Variants in YAP1 observed in about 807,000 individuals in gnomAD.
The protein encoded by YAP1 is Yes1 associated transcriptional regulator.
Under a neutral mutation model 56.9 loss-of-function variants are expected in YAP1, and 5 were observed. The observed-to-expected ratio is 0.09, with a 90% CI of 0.05 to 0.18. The LOEUF is 0.18. Ranked by LOEUF, YAP1 falls within the 10% of genes least tolerant of loss-of-function variation. YAP1 has a pLI of 1.00. For missense variants in YAP1, 539 were observed against 651.8 expected (o/e 0.83, Z 1.88); for synonymous variants, 265 against 248.1 (o/e 1.07, Z -0.64).
intron 3 of YAP1, among the ~76,000 whole-genome samples, chr11:102,176,225 T>A (rs1947238661): frequency 6.6e-6 from 1 of 152,166 alleles, no homozygotes. Context: ...ACATTCCCAC[T>A]CATAAAAAAT....
intron 4 of YAP1, 137 bp downstream of exon 4, chr11:102,186,268 C>A: frequency 1.1e-6 from 1 of 949,806 alleles, no homozygotes; most frequent in Non-Finnish European, 1.5e-6. Context: ...CCAATGTTTA[C>A]CAGTAGTGTT....
intron 2 of YAP1, among the ~76,000 whole-genome samples, chr11:102,129,403 G>A (rs970127843): frequency 6.6e-6 from 1 of 151,844 alleles, no homozygotes; most frequent in African/African-American, 2.4e-5. Flanking sequence ...GGTGGATCAC[G>A]AGGTCAGGAG....
At chr11:102,214,707 A>C (rs1004658746) in intron 6 of YAP1, among the ~76,000 whole-genome samples, 3 of 152,192 alleles carry the variant, frequency 2.0e-5, no homozygotes, top group African/African-American at 7.2e-5. Flanking sequence ...TTTATATAAG[A>C]GGGAAGATTT....
intron 4 of YAP1, among the ~76,000 whole-genome samples, chr11:102,194,538 A>G (rs1565254431): frequency 6.6e-6 from 1 of 152,232 alleles, no homozygotes; most frequent in Non-Finnish European, 1.5e-5. Flanking sequence ...GCCAGGCACT[A>G]TGCTAGCCAT....
chr11:102,158,808 C>T (rs983658297), intron 2 of YAP1, among the ~76,000 whole-genome samples: 1 of 152,140 alleles, frequency 6.6e-6, no homozygotes, highest in Non-Finnish European at 1.5e-5. Flanking sequence ...GTTTTCATTA[C>T]TATAAAGCCC....
At chr11:102,168,285 C>T (rs1292168891) in intron 3 of YAP1, among the ~76,000 whole-genome samples, 2 of 152,152 alleles carry the variant, frequency 1.3e-5, no homozygotes, top group African/African-American at 2.4e-5. Flanking sequence ...ATTGCTGAAT[C>T]TTCAAGGGAC....
At chr11:102,135,234 C>G (rs1388533095) in intron 2 of YAP1, among the ~76,000 whole-genome samples, 1 of 152,150 alleles carries the variant, frequency 6.6e-6, no homozygotes, top group Non-Finnish European at 1.5e-5. Context: ...GTTTTACCAT[C>G]TACATGTGTA....
chr11:102,116,645 G>C (rs529959159), intron 2 of YAP1, among the ~76,000 whole-genome samples: 2 of 152,306 alleles, frequency 1.3e-5, no homozygotes, highest in South Asian at 4.1e-4. Flanking sequence ...GGTTGCAAGG[G>C]TAGAGAGATA....
At chr11:102,202,849 C>T (rs957168395) in intron 4 of YAP1, among the ~76,000 whole-genome samples, 1 of 152,184 alleles carries the variant, frequency 6.6e-6, no homozygotes, top group Non-Finnish European at 1.5e-5. Context: ...TGTGCCTTCT[C>T]TCCTCATGTA....
chr11:102,132,519 G>A (rs1944423169), intron 2 of YAP1, among the ~76,000 whole-genome samples: 1 of 152,192 alleles, frequency 6.6e-6, no homozygotes, highest in African/African-American at 2.4e-5. Context: ...TTGTTTCAAA[G>A]TGAGGACTAT....
chr11:102,175,933 A>G (rs944286335), intron 3 of YAP1, among the ~76,000 whole-genome samples: 1 of 152,172 alleles, frequency 6.6e-6, no homozygotes, highest in Non-Finnish European at 1.5e-5. Flanking sequence ...AACTATTTCC[A>G]TTGCGTCTGC....
Position 102,198,108 on chromosome 11 carries a change from C to G in YAP1, c.803-7785C>G, listed in dbSNP as rs1948663434. 2.6e-5 allele frequency among the ~76,000 whole-genome samples: 4 copies of G among 152,142 alleles called. 1 individual carries two copies. Among genetic ancestry groups the G allele is most frequent in the Admixed American group, 2.6e-4 (4 of 15,266 alleles). ...ATAGGTAACAACATTTAGGTAAAGC[C>G]AAAAGTACTCACAATAGTCATCAGA... On this transcript the variant is annotated intron_variant, in intron 4 of 8. Transcript: ENST00000282441.
intron 2 of YAP1, among the ~76,000 whole-genome samples, chr11:102,161,026 T>C (rs1254061501): frequency 6.6e-6 from 1 of 151,754 alleles, no homozygotes; most frequent in Non-Finnish European, 1.5e-5. Flanking sequence ...AAAATGGCTC[T>C]TGGCCAGTGT....
chr11:102,193,822 GTTTT>G (rs916158768), intron 4 of YAP1, among the ~76,000 whole-genome samples: 60 of 149,904 alleles, frequency 4.0e-4, no homozygotes, highest in African/African-American at 1.4e-3. Context: ...TTTTTTGGGG[GTTTT>G]TTTTTGTTTG....
At chr11:102,117,070 A>AGCTAACTACAAAAAG (rs2135131375) in intron 2 of YAP1, among the ~76,000 whole-genome samples, 1 of 152,342 alleles carries the variant, frequency 6.6e-6, no homozygotes, top group South Asian at 2.1e-4. Flanking sequence ...TATGGACCGT[A>AGCTAACTACAAAAAG]TAGTTGTTAC....
chr11:102,130,916 A>G (rs1565438763), intron 2 of YAP1, among the ~76,000 whole-genome samples: 1 of 152,036 alleles, frequency 6.6e-6, no homozygotes, highest in Non-Finnish European at 1.5e-5. Flanking sequence ...GGACTAGTAC[A>G]GATCTCTTCT....
At chr11:102,201,237 T>C (rs1948839149) in intron 4 of YAP1, among the ~76,000 whole-genome samples, 1 of 152,186 alleles carries the variant, frequency 6.6e-6, no homozygotes, top group Non-Finnish European at 1.5e-5. Context: ...TATACTGCTT[T>C]AGAGTTATCT....
chr11:102,200,689 T>C (rs1324822179), intron 4 of YAP1, among the ~76,000 whole-genome samples: 2 of 152,060 alleles, frequency 1.3e-5, no homozygotes, highest in African/African-American at 4.8e-5. Flanking sequence ...TAGTGATCCG[T>C]CTGCCTTGGC....
chr11:102,168,917 T>G (rs1203750647), intron 3 of YAP1, among the ~76,000 whole-genome samples: 2 of 152,188 alleles, frequency 1.3e-5, no homozygotes, highest in African/African-American at 4.8e-5. Context: ...GGTAAAGATG[T>G]GAGAAGTTGC....
Sources: gnomAD v4.1 joint callset for allele counts (sites outside exome capture counted in the v4.1 genomes callset) on GRCh38, gnomAD v4.1.1 for gene constraint, MANE v1.5 for transcripts, NCBI Gene and HGNC (gene_info 2026-07-23, HGNC 2026-07-21) for gene names.